The following CCDC91 variants were observed in gnomAD, a reference collection of about 807,000 sequenced individuals.
CCDC91 encodes coiled-coil domain-containing protein 91.
A neutral mutation model predicts 63.2 loss-of-function variants in CCDC91; 48 were observed. The observed-to-expected ratio is 0.76, with a 90% CI of 0.60 to 0.97. The LOEUF (loss-of-function observed/expected upper bound fraction) is 0.97. CCDC91 is among the 50% of genes least tolerant of loss of function. The pLI is 0.00. For synonymous variants in CCDC91, 167 were observed against 165.8 expected, an observed-to-expected ratio of 1.01 and a Z score of -0.06; for missense variants, 500 against 494.6, an observed-to-expected ratio of 1.01 and a Z score of -0.10.
At chr12:28,234,585 A>G (rs1944812669) in intron 1 of CCDC91, among the ~76,000 whole-genome samples, 1 of 152,180 alleles carries the variant, frequency 6.6e-6, no homozygotes, top group Admixed American at 6.5e-5. Context: ...TATACAGTTC[A>G]GCTAATGGGA....
chr12:28,391,305 C>G lies in CCDC91; in HGVS notation c.656C>G (p.Ala219Gly), dbSNP rs781388057. 13 of 1,598,318 alleles carry G rather than the reference C, an allele frequency of 8.1e-6. No individual in the cohort carries two copies. In the South Asian group the frequency reaches 1.5e-4, roughly 18 times the overall value. ...ALSIIVDEYK[A>G]LLQSSVKQQV... ...AATGACTTTTTTGCTTGTTTTCAGGCACTACTGCAGTCTTCAGTTAAGCAA... is the reference window on the plus strand; with the variant it reads ...AATGACTTTTTTGCTTGTTTTCAGGGACTACTGCAGTCTTCAGTTAAGCAA... Residue 219 changes from alanine (A) to glycine (G), a missense_variant and splice_region_variant, in exon 8 of 13, where the codon GCA (alanine) becomes GGA (glycine). Physicochemically the swap from Ala to Gly is moderately conservative, Grantham distance 60. Transcript: ENST00000536442.
At chr12:28,474,449 CAAAACA>C (rs1389014092) in intron 11 of CCDC91, among the ~76,000 whole-genome samples, 2 of 151,764 alleles carry the variant, frequency 1.3e-5, no homozygotes, top group Non-Finnish European at 2.9e-5. Flanking sequence ...TGGATTGTAC[CAAAACA>C]GGCAATGGAC....
At chr12:28,271,919 ATAT>A (rs1415703239) in intron 3 of CCDC91, among the ~76,000 whole-genome samples, 2 of 149,080 alleles carry the variant, frequency 1.3e-5, no homozygotes, top group Non-Finnish European at 3.0e-5. Flanking sequence ...ATAAATATAG[ATAT>A]TATATATATA....
chr12:28,549,001 CT>C (rs1943169362), intron 12 of CCDC91, 61 bp from the exon 13 acceptor site: 1 of 1,148,312 alleles, frequency 8.7e-7, no homozygotes, highest in Non-Finnish European at 1.3e-6. Flanking sequence ...ACATAATATT[CT>C]TTATCCTTCA....
At chr12:28,305,947 A>C (rs921435365) in intron 4 of CCDC91, 141 bp downstream of exon 4, 13 of 681,938 alleles carry the variant, frequency 1.9e-5, no homozygotes, top group Non-Finnish European at 2.8e-5. Flanking sequence ...TTTTGAGGCT[A>C]ATACTTAGAA....
intron 7 of CCDC91, among the ~76,000 whole-genome samples, chr12:28,365,373 A>G (rs555892278): frequency 2.6e-5 from 4 of 152,344 alleles, no homozygotes; most frequent in African/African-American, 9.6e-5. Context: ...TAGAACCAAA[A>G]AATGATTTAA....
intron 2 of CCDC91, among the ~76,000 whole-genome samples, chr12:28,258,523 AT>A (rs1273297883): frequency 3.3e-5 from 5 of 152,038 alleles, no homozygotes; most frequent in African/African-American, 1.2e-4. Flanking sequence ...TTACAATTTA[AT>A]TGTAGTTATT....
intron 12 of CCDC91, among the ~76,000 whole-genome samples, chr12:28,515,473 T>A (rs1450817351): frequency 6.6e-6 from 1 of 151,904 alleles, no homozygotes; most frequent in Non-Finnish European, 1.5e-5. Flanking sequence ...TCTTATGCCC[T>A]TTTTGCTAAC....
At chr12:28,412,116 C>G (rs1464621892) in intron 8 of CCDC91, among the ~76,000 whole-genome samples, 1 of 152,100 alleles carries the variant, frequency 6.6e-6, no homozygotes, top group Non-Finnish European at 1.5e-5. Flanking sequence ...AGCCTAGGAG[C>G]AATAGATTAC....
intron 3 of CCDC91, among the ~76,000 whole-genome samples, chr12:28,283,340 G>T (rs139495560): frequency 1.8e-3 from 280 of 151,824 alleles, no homozygotes; most frequent in Admixed American, 4.4e-3. Context: ...TCCTATCCAT[G>T]AATATGGTAT....
At chr12:28,441,824 AAG>A (rs1490338699) in intron 8 of CCDC91, among the ~76,000 whole-genome samples, 4 of 151,556 alleles carry the variant, frequency 2.6e-5, no homozygotes, top group African/African-American at 9.7e-5. Context: ...GCTTTGGGGA[AAG>A]GGAATTTTTT....
chr12:28,286,058 C>A lies in CCDC91; in HGVS notation c.110-19591C>A, dbSNP rs1396616812. On this transcript the variant is annotated intron_variant, in intron 3 of 12. Transcript: ENST00000536442. Reference sequence around the variant, plus strand: ...TGAATCTAGTTCTCAAATCCAAGTTCTTTTTCTACAGTATGCTTTCTAATT... The same window carrying A: ...TGAATCTAGTTCTCAAATCCAAGTTATTTTTCTACAGTATGCTTTCTAATT... Among the ~76,000 whole-genome samples, 5 of 151,796 alleles carry A rather than the reference C, an allele frequency of 3.3e-5. 1 individual carries two copies. The South Asian group carries it at 1.0e-3, about 31-fold the overall frequency.
intron 7 of CCDC91, among the ~76,000 whole-genome samples, chr12:28,363,876 GAA>G (rs34997286): frequency 0.25 from 12,827 of 51,408 alleles, 385 homozygotes; most frequent in Non-Finnish European, 0.33. Flanking sequence ...GGCTCCATCT[GAA>G]AAAAAAAAAA....
chr12:28,218,735 A>ATG (rs1218093389), intron 1 of CCDC91, among the ~76,000 whole-genome samples: 4 of 148,570 alleles, frequency 2.7e-5, no homozygotes, highest in South Asian at 2.1e-4. Flanking sequence ...GTGTGTATGT[A>ATG]TGTATGTGTG....
chr12:28,433,399 A>G (rs759267638), intron 8 of CCDC91, among the ~76,000 whole-genome samples: 8 of 151,978 alleles, frequency 5.3e-5, no homozygotes, highest in African/African-American at 7.2e-5. Context: ...CATGAAAGTT[A>G]TATGGTCTGT....
Position 28,362,585 on chromosome 12 carries a change from A to G in CCDC91, c.654+70A>G, listed in dbSNP as rs1467451250. 5.8e-6 allele frequency: 5 copies of G among 858,528 alleles called. No individual in the cohort carries two copies. The East Asian group carries it at 1.1e-4, about 19-fold the overall frequency. The allele number at this position is 858,528 out of a possible 1,614,324, so 53.2% of individuals were successfully genotyped here. A position where few individuals can be genotyped will look rare whatever the true frequency, so the allele number is the denominator to read the frequency against. On this transcript the variant is annotated intron_variant, in intron 7 of 12. Coordinates refer to ENST00000536442, the MANE Select transcript of CCDC91 (RefSeq NM_018318.5). The stretch of plus-strand genomic sequence containing the variant: ...TAGTAAAAAATGTACACATGTAGGT[A>G]TGTGCAAACATATACAAATTATATG...
intron 2 of CCDC91, among the ~76,000 whole-genome samples, chr12:28,258,948 A>T (rs1259444488): frequency 6.6e-6 from 1 of 152,026 alleles, no homozygotes; most frequent in Non-Finnish European, 1.5e-5. Flanking sequence ...CTTTGAATTA[A>T]TCTCTAATTG....
intron 3 of CCDC91, among the ~76,000 whole-genome samples, chr12:28,303,507 T>A (rs1938309758): frequency 6.6e-6 from 1 of 152,148 alleles, no homozygotes; most frequent in Admixed American, 6.6e-5. Context: ...GCATGACATC[T>A]TATCTTATGC....
intron 1 of CCDC91, chr12:28,226,053 T>C (rs1045129246): frequency 1.3e-5 from 2 of 152,230 alleles, no homozygotes; most frequent in African/African-American, 4.8e-5. Context: ...CTGCTCTACC[T>C]TGGGCCTTCT....
Sources: allele counts gnomAD v4.1 joint callset (sites outside exome capture counted in the v4.1 genomes callset), GRCh38; gene constraint gnomAD v4.1.1; transcripts MANE v1.5; gene names NCBI Gene and HGNC (gene_info 2026-07-23, HGNC 2026-07-21).